Variants in ERC2 observed in about 807,000 individuals in gnomAD.
The protein encoded by ERC2 is ERC protein 2.
ERC2 carries 42 observed loss-of-function variants against 114.8 expected under a neutral mutation model. The observed-to-expected ratio is 0.37, with a 90% CI of 0.29 to 0.47. The LOEUF is 0.47. Ranked by LOEUF, ERC2 falls within the 20% of genes least tolerant of loss-of-function variation. The pLI, the probability that ERC2 is intolerant of heterozygous loss-of-function variation, is 0.99. For synonymous variants in ERC2, 454 were observed against 425.5 expected (o/e 1.07, Z -0.82); for missense variants, 939 against 1,150.7 (o/e 0.82, Z 2.66).
At chr3:55,779,714 T>C (rs2068890307) in intron 14 of ERC2, among the ~76,000 whole-genome samples, 1 of 152,088 alleles carries the variant, frequency 6.6e-6, no homozygotes, top group East Asian at 1.9e-4. Flanking sequence ...AGGAAAGTAA[T>C]GATGATTTAA....
At chr3:55,770,990 G>T (rs1037643100) in intron 14 of ERC2, among the ~76,000 whole-genome samples, 19 of 152,134 alleles carry the variant, frequency 1.2e-4, no homozygotes, top group Admixed American at 9.8e-4. Context: ...GTTTTTTATG[G>T]CTGTATAGCA....
At chr3:56,090,171 G>T (rs2077709577) in intron 6 of ERC2, among the ~76,000 whole-genome samples, 1 of 152,124 alleles carries the variant, frequency 6.6e-6, no homozygotes, top group Non-Finnish European at 1.5e-5. Context: ...TATAGCAAAA[G>T]TTGCCTTTCA....
Position 55,514,933 on chromosome 3 carries a change from C to T in ERC2, c.*40-3657G>A, listed in dbSNP as rs1290539221. Among the ~76,000 whole-genome samples, 3 of 152,200 alleles carry T rather than the reference C, an allele frequency of 2.0e-5. No homozygotes were observed. In the East Asian group the frequency reaches 5.8e-4, roughly 29 times the overall value. ...ATGTAGCCAAAGAAGACTAATGCAGCACCACGCTGGGTCAGGCAGTGTGCT... is the reference window on the plus strand; with the variant it reads ...ATGTAGCCAAAGAAGACTAATGCAGTACCACGCTGGGTCAGGCAGTGTGCT... On this transcript the variant is annotated intron_variant, in intron 17 of 17. Coordinates refer to ENST00000288221, the MANE Select transcript of ERC2 (RefSeq NM_015576.3).
chr3:56,204,886 C>G (rs1177805037), intron 3 of ERC2, among the ~76,000 whole-genome samples: 1 of 123,154 alleles, frequency 8.1e-6, no homozygotes, highest in Non-Finnish European at 1.8e-5. Flanking sequence ...CACTTACACT[C>G]AGAAAAAAAG....
At chr3:56,079,925 G>A (rs1693825336) in intron 7 of ERC2, among the ~76,000 whole-genome samples, 1 of 152,092 alleles carries the variant, frequency 6.6e-6, no homozygotes, top group Non-Finnish European at 1.5e-5. Context: ...CAAGAACAGG[G>A]GACAGTTAGT....
At chr3:55,603,955 T>C (rs139855917) in intron 17 of ERC2, among the ~76,000 whole-genome samples, 6 of 152,272 alleles carry the variant, frequency 3.9e-5, no homozygotes, top group Non-Finnish European at 8.8e-5. Context: ...AATATTCTTG[T>C]GCAAAACAGA....
intron 13 of ERC2, among the ~76,000 whole-genome samples, chr3:55,901,908 T>A (rs774818114): frequency 2.0e-5 from 3 of 152,254 alleles, no homozygotes; most frequent in Non-Finnish European, 4.4e-5. Context: ...AGTGACTTGA[T>A]ACCGACTGAA....
intron 15 of ERC2, among the ~76,000 whole-genome samples, chr3:55,729,336 G>A (rs1441778644): frequency 2.6e-5 from 4 of 151,966 alleles, no homozygotes; most frequent in African/African-American, 9.7e-5. Context: ...CATCTAAATG[G>A]CTCATTCCCT....
chr3:56,145,870 T>C (rs2081107348), intron 5 of ERC2, among the ~76,000 whole-genome samples: 1 of 152,202 alleles, frequency 6.6e-6, no homozygotes, highest in Non-Finnish European at 1.5e-5. Flanking sequence ...AAAATGGAAG[T>C]GCACACCCTT....
rs143510170 is a variant in ERC2, at chr3:56,272,298, G to A, written c.1074+23721C>T. Among the ~76,000 whole-genome samples the A allele has an allele frequency of 6.6e-3, 1,000 of 152,266 alleles. 9 individuals carry two copies. Among genetic ancestry groups the A allele is most frequent in the Middle Eastern group, 0.014 (4 of 294 alleles). On this transcript the variant is annotated intron_variant, in intron 3 of 17. Transcript: ENST00000288221. ...AAGTAGATTTTCCTCCATCTCATTC[G>A]CTGTCAATAATTGCTTTCTCTCTTT...
At chr3:55,531,262 A>T (rs1403219222) in intron 17 of ERC2, among the ~76,000 whole-genome samples, 2 of 151,988 alleles carry the variant, frequency 1.3e-5, no homozygotes, top group Non-Finnish European at 2.9e-5. Context: ...AGAAGGCAAG[A>T]CTCCCATTGG....
intron 15 of ERC2, among the ~76,000 whole-genome samples, chr3:55,704,907 T>G (rs1443794211): frequency 6.6e-6 from 1 of 152,186 alleles, no homozygotes; most frequent in East Asian, 1.9e-4. Context: ...TGGCCAGCAT[T>G]CTCCTGCTGA....
intron 15 of ERC2, among the ~76,000 whole-genome samples, chr3:55,720,832 A>G (rs2064501534): frequency 6.6e-6 from 1 of 152,178 alleles, no homozygotes; most frequent in Admixed American, 6.5e-5. Flanking sequence ...GGGAAGAATA[A>G]GATAGCCCCA....
intron 3 of ERC2, among the ~76,000 whole-genome samples, chr3:56,251,747 A>G (rs1006584981): frequency 6.6e-6 from 1 of 152,192 alleles, no homozygotes; most frequent in Non-Finnish European, 1.5e-5. Context: ...AGGATATCTC[A>G]CAGCCTTAAA....
intron 12 of ERC2, among the ~76,000 whole-genome samples, chr3:55,967,220 A>G (rs2068808819): frequency 6.6e-6 from 1 of 152,236 alleles, no homozygotes; most frequent in South Asian, 2.1e-4. Flanking sequence ...GCTGTAGCAT[A>G]ATTTAGAAAT....
intron 17 of ERC2, among the ~76,000 whole-genome samples, chr3:55,518,165 T>C (rs1438611744): frequency 1.3e-5 from 2 of 152,084 alleles, no homozygotes; most frequent in South Asian, 2.1e-4. Flanking sequence ...GGAGATAAAA[T>C]TGCTCCACTT....
At chr3:55,766,076 C>T (rs1200494931) in intron 14 of ERC2, among the ~76,000 whole-genome samples, 1 of 152,160 alleles carries the variant, frequency 6.6e-6, no homozygotes, top group African/African-American at 2.4e-5. Flanking sequence ...ACTAAGAGAA[C>T]TGTGTGAAGC....
At chr3:56,352,093 G>A (rs924131464) in intron 2 of ERC2, among the ~76,000 whole-genome samples, 1 of 152,066 alleles carries the variant, frequency 6.6e-6, no homozygotes, top group East Asian at 1.9e-4. Context: ...ATTTTATCCT[G>A]AAAGGAATGG....
At chr3:55,777,077 A>T (rs1317966491) in intron 14 of ERC2, among the ~76,000 whole-genome samples, 1 of 96,410 alleles carries the variant, frequency 1.0e-5, no homozygotes, top group Non-Finnish European at 2.2e-5. Flanking sequence ...AAAAATACAT[A>T]AAAAAAAAAT....
Sources: allele counts gnomAD v4.1 joint callset (sites outside exome capture counted in the v4.1 genomes callset), GRCh38; gene constraint gnomAD v4.1.1; transcripts MANE v1.5; gene names NCBI Gene and HGNC (gene_info 2026-07-23, HGNC 2026-07-21).